Variants in CNNM2 observed in about 807,000 individuals in gnomAD.
The protein encoded by CNNM2 is cyclin and CBS domain divalent metal cation transport mediator 2.
Under a neutral mutation model 66.9 loss-of-function variants are expected in CNNM2, and 12 were observed. The observed-to-expected ratio is 0.18, with a 90% CI of 0.11 to 0.29. The LOEUF (loss-of-function observed/expected upper bound fraction) is 0.29. CNNM2 is among the 10% of genes least tolerant of loss of function. The pLI is 1.00. For missense variants in CNNM2, 705 were observed against 1,167.7 expected (o/e 0.60, Z 5.77); for synonymous variants, 557 against 501.8 (o/e 1.11, Z -1.47).
intron 1 of CNNM2, among the ~76,000 whole-genome samples, chr10:102,943,128 G>A (rs572965868): frequency 7.5e-4 from 114 of 152,338 alleles, no homozygotes; most frequent in Non-Finnish European, 1.2e-3. Flanking sequence ...GGGAGGCTGA[G>A]GCAGGAGAAT....
chr10:103,013,274 G>A (rs976417197), intron 1 of CNNM2, among the ~76,000 whole-genome samples: 2 of 152,102 alleles, frequency 1.3e-5, no homozygotes, highest in Non-Finnish European at 2.9e-5. Flanking sequence ...AGTCTGTTTT[G>A]TGATTTATAA....
chr10:102,944,498 A>G (rs1846539065), intron 1 of CNNM2, among the ~76,000 whole-genome samples: 2 of 152,052 alleles, frequency 1.3e-5, no homozygotes, highest in South Asian at 2.1e-4. Context: ...CAGCACAGAA[A>G]AGTTTAATTG....
intron 1 of CNNM2, among the ~76,000 whole-genome samples, chr10:102,929,437 T>C (rs1301431824): frequency 2.1e-5 from 3 of 145,258 alleles, no homozygotes; most frequent in Non-Finnish European, 4.5e-5. Context: ...AGCAAGAGCA[T>C]GTCTTTTTTA....
At chr10:102,936,890 A>G (rs1358982154) in intron 1 of CNNM2, among the ~76,000 whole-genome samples, 2 of 152,242 alleles carry the variant, frequency 1.3e-5, no homozygotes, top group Non-Finnish European at 2.9e-5. Context: ...TGAACCACTC[A>G]TTGAGGTACA....
Position 102,940,926 on chromosome 10 carries a change from T to C in CNNM2, c.1621+20825T>C, listed in dbSNP as rs371797851. On this transcript the variant is annotated intron_variant, in intron 1 of 7. Transcript: ENST00000369878. ...TTAGTAGAGATGGGGTTTCACACTA[T>C]GTTGTCCAGGCTGGTCACAAACTCC... 2.6e-5 allele frequency among the ~76,000 whole-genome samples: 4 copies of C among 152,250 alleles called. No homozygotes were observed. In the East Asian group the frequency reaches 7.7e-4, roughly 29 times the overall value.
At position 102,922,937 on chromosome 10, in the gene CNNM2, C is replaced by CA. The variant is rs60845072; in HGVS notation, c.1621+2854dup. Among the ~76,000 whole-genome samples the CA allele has an allele frequency of 0.31, 27,463 of 89,306 alleles. 3,034 individuals carry two copies. Among genetic ancestry groups the CA allele is most frequent in the Non-Finnish European group, 0.32 (14,182 of 44,110 alleles). 58.6% of individuals were successfully genotyped at this position (89,306 alleles called of 152,430 possible). On this transcript the variant is annotated intron_variant, in intron 1 of 7. Coordinates refer to ENST00000369878, the MANE Select transcript of CNNM2 (RefSeq NM_017649.5). Reference sequence around the variant, plus strand: ...AGCCTTGGGGACAAAGACCCTGTCTCAAAAAAAAAAAAAAAAAAGAAACAA... The same window carrying CA: ...AGCCTTGGGGACAAAGACCCTGTCTCAAAAAAAAAAAAAAAAAAAGAAACAA...
At chr10:103,005,477 C>T (rs10883821) in intron 1 of CNNM2, among the ~76,000 whole-genome samples, 13 of 150,692 alleles carry the variant, frequency 8.6e-5, no homozygotes, top group East Asian at 2.0e-4. Flanking sequence ...GGTGAAACCC[C>T]GTCTCTGCTA....
intron 1 of CNNM2, among the ~76,000 whole-genome samples, chr10:103,038,774 G>T (rs796157749): frequency 1.4e-4 from 21 of 152,282 alleles, no homozygotes; most frequent in African/African-American, 4.6e-4. Flanking sequence ...TGGAATTTTT[G>T]GAAGTAGTAA....
intron 1 of CNNM2, among the ~76,000 whole-genome samples, chr10:102,995,159 TCCTCCTCCTCCC>T (rs2063968676): frequency 7.1e-6 from 1 of 141,660 alleles, no homozygotes; most frequent in Non-Finnish European, 1.6e-5. Flanking sequence ...CTCCCCCTCT[TCCTCCTCCTCCC>T]CCTCTTCCTC....
At chr10:102,931,945 C>G (rs1846078988) in intron 1 of CNNM2, among the ~76,000 whole-genome samples, 1 of 151,096 alleles carries the variant, frequency 6.6e-6, no homozygotes, top group South Asian at 2.1e-4. Context: ...AGTTGGGCAT[C>G]TCTTCACGTG....
intron 1 of CNNM2, among the ~76,000 whole-genome samples, chr10:102,922,613 G>C (rs1392210064): frequency 6.6e-6 from 1 of 152,062 alleles, no homozygotes; most frequent in Admixed American, 6.6e-5. Context: ...TAACTCCCCA[G>C]ACCAGTTAGA....
At chr10:103,018,580 T>A (rs2064501757) in intron 1 of CNNM2, among the ~76,000 whole-genome samples, 1 of 151,998 alleles carries the variant, frequency 6.6e-6, no homozygotes, top group South Asian at 2.1e-4. Flanking sequence ...GTGCTCTGAT[T>A]TTTAGAGGTC....
chr10:102,932,251 A>G (rs971320268), intron 1 of CNNM2, among the ~76,000 whole-genome samples: 7 of 149,352 alleles, frequency 4.7e-5, no homozygotes, highest in South Asian at 2.1e-4. Flanking sequence ...GGGTTTTGCT[A>G]TGTGCCTAGG....
intron 6 of CNNM2, among the ~76,000 whole-genome samples, chr10:103,073,847 C>T (rs1381569387): frequency 8.8e-6 from 1 of 113,042 alleles, no homozygotes; most frequent in African/African-American, 3.5e-5. Flanking sequence ...CTGGCCTGGG[C>T]GACAGAGCGA....
intron 5 of CNNM2, among the ~76,000 whole-genome samples, chr10:103,070,952 A>T (rs757869701): frequency 6.6e-6 from 1 of 152,144 alleles, no homozygotes; most frequent in Non-Finnish European, 1.5e-5. Context: ...CGGGGGGGGA[A>T]TTTCATTAAT....
At position 102,971,200 on chromosome 10, in the gene CNNM2, C is replaced by CT. The variant is rs35176861; in HGVS notation, c.1621+51110dup. Reference sequence around the variant, plus strand: ...CTGGGTGACAGAGTGAGACCCCATCCTTTTTTTTTTTCTGCAAACACTATG... The same window carrying CT: ...CTGGGTGACAGAGTGAGACCCCATCCTTTTTTTTTTTTCTGCAAACACTATG... On this transcript the variant is annotated intron_variant, in intron 1 of 7. Transcript: ENST00000369878. 5.2e-3 allele frequency among the ~76,000 whole-genome samples: 700 copies of CT among 133,628 alleles called. 6 individuals are homozygous for CT. Among genetic ancestry groups the CT allele is most frequent in the African/African-American group, 0.017 (609 of 36,082 alleles). The allele number at this position is 133,628 out of a possible 152,430, so 87.7% of individuals were successfully genotyped here. A position where few individuals can be genotyped will look rare whatever the true frequency, so the allele number is the denominator to read the frequency against.
chr10:102,951,635 T>C (rs1846836747), intron 1 of CNNM2, among the ~76,000 whole-genome samples: 1 of 151,780 alleles, frequency 6.6e-6, no homozygotes, highest in African/African-American at 2.4e-5. Context: ...GAAACTTTTT[T>C]TTTTCTTTTT....
At chr10:102,978,811 G>T (rs1240715188) in intron 1 of CNNM2, among the ~76,000 whole-genome samples, 1 of 152,176 alleles carries the variant, frequency 6.6e-6, no homozygotes, top group Non-Finnish European at 1.5e-5. Context: ...ACCTTGACTT[G>T]TAGAACATAG....
intron 1 of CNNM2, among the ~76,000 whole-genome samples, chr10:102,989,862 T>C (rs999155028): frequency 6.6e-6 from 1 of 152,146 alleles, no homozygotes. Flanking sequence ...ACTATAGGGC[T>C]TCTAGTTCTT....
Sources: gnomAD v4.1 joint callset for allele counts (sites outside exome capture counted in the v4.1 genomes callset) on GRCh38, gnomAD v4.1.1 for gene constraint, MANE v1.5 for transcripts, NCBI Gene and HGNC (gene_info 2026-07-23, HGNC 2026-07-21) for gene names.